GLRA2: variants seen among roughly 807,000 people sequenced by gnomAD.
GLRA2 encodes glycine receptor alpha 2.
In GLRA2, 11 loss-of-function variants were observed where a neutral mutation model predicts 31.6. The observed-to-expected ratio is 0.35, with a 90% confidence interval of 0.22 to 0.58. The LOEUF is 0.58. GLRA2 is among the 20% of genes least tolerant of loss of function. GLRA2 has a pLI of 0.84. For synonymous variants in GLRA2, 132 were observed against 134.0 expected, an observed-to-expected ratio of 0.99 and a Z score of 0.10; for missense variants, 212 against 351.8, an observed-to-expected ratio of 0.60 and a Z score of 3.18.
At chrX:14,638,368 T>G (rs1284421582) in intron 7 of GLRA2, among the ~76,000 whole-genome samples, 5 of 111,718 alleles carry the variant, frequency 4.5e-5, no homozygotes, top group African/African-American at 1.6e-4. Flanking sequence ...ACTAACAGCT[T>G]TCATGATCTT....
chrX:14,541,004 AAG>A (rs1269504917), intron 2 of GLRA2, among the ~76,000 whole-genome samples: 4 of 110,764 alleles, frequency 3.6e-5, no homozygotes, highest in Middle Eastern at 4.6e-3. Flanking sequence ...GAGAAAAAAA[AAG>A]AGAGATCTTC....
chrX:14,598,928 G>A (rs1042458045), intron 4 of GLRA2, among the ~76,000 whole-genome samples: 1 of 112,116 alleles, frequency 8.9e-6, no homozygotes, highest in Non-Finnish European at 1.9e-5. Flanking sequence ...AGTTTACAGT[G>A]TCTGCATCTA....
intron 2 of GLRA2, among the ~76,000 whole-genome samples, chrX:14,554,428 T>C (rs747238952): frequency 9.9e-5 from 11 of 111,434 alleles, no homozygotes; most frequent in African/African-American, 3.6e-4. Flanking sequence ...GTACTATTCG[T>C]TGGCAGACAT....
intron 7 of GLRA2, among the ~76,000 whole-genome samples, chrX:14,640,150 TA>T (rs1240604409): frequency 2.6e-4 from 29 of 111,408 alleles, no homozygotes; most frequent in South Asian, 7.5e-4. Context: ...GATTTGTGTT[TA>T]TTTTTTTTTT....
intron 4 of GLRA2, among the ~76,000 whole-genome samples, chrX:14,598,288 T>C (rs2090230593): frequency 8.9e-6 from 1 of 112,204 alleles, no homozygotes; most frequent in Non-Finnish European, 1.9e-5. Flanking sequence ...GATCACTCAT[T>C]AAAATTTGTA....
At chrX:14,690,679 G>T (rs113248277) in intron 7 of GLRA2, 31 bp from the exon 8 acceptor site, 22 of 722,986 alleles carry the variant, frequency 3.0e-5, no homozygotes, top group Non-Finnish European at 4.5e-5. Context: ...CTCTCTCTCT[G>T]TGTGTGTGTG....
chrX:14,698,468 C>A (rs2091481447), intron 8 of GLRA2, among the ~76,000 whole-genome samples: 1 of 109,141 alleles, frequency 9.2e-6, no homozygotes, highest in South Asian at 4.0e-4. Flanking sequence ...CACCTGAGGG[C>A]AAGAGTTTGA....
chrX:14,514,645 G>A, the GLRA2 span, among the ~76,000 whole-genome samples: 2 of 111,259 alleles, frequency 1.8e-5, no homozygotes, highest in Non-Finnish European at 3.8e-5. Context: ...GGGTTAGGGA[G>A]AAAAGCCAGA....
the GLRA2 span, among the ~76,000 whole-genome samples, chrX:14,487,387 TAAAAAA>T: frequency 1.1e-3 from 30 of 27,946 alleles, no homozygotes; most frequent in Admixed American, 2.4e-3. Context: ...TGGTTTTCTG[TAAAAAA>T]AAAAAAAAAA....
the GLRA2 span, among the ~76,000 whole-genome samples, chrX:14,485,747 C>A: frequency 9.0e-6 from 1 of 111,718 alleles, no homozygotes; most frequent in African/African-American, 3.3e-5. Context: ...TGGATTGTTG[C>A]ATTGGCCTCG....
chrX:14,590,879 T>C (rs769027798), intron 4 of GLRA2, among the ~76,000 whole-genome samples: 184 of 111,959 alleles, frequency 1.6e-3, no homozygotes, highest in African/African-American at 5.6e-3. Flanking sequence ...ACCACAATGA[T>C]TCCATTCTTC....
chrX:14,665,966 T>C (rs1467312544), intron 7 of GLRA2, among the ~76,000 whole-genome samples: 1 of 112,108 alleles, frequency 8.9e-6, no homozygotes, highest in Non-Finnish European at 1.9e-5. Flanking sequence ...TCAAGCTCTC[T>C]GACCTCAGTA....
chrX:14,592,618 G>A (rs1373796458), intron 4 of GLRA2, among the ~76,000 whole-genome samples: 1 of 111,281 alleles, frequency 9.0e-6, no homozygotes, highest in Non-Finnish European at 1.9e-5. Context: ...GCTGTAGTGA[G>A]CCAAGATCAT....
chrX:14,550,785 T>C (rs889536295), intron 2 of GLRA2, among the ~76,000 whole-genome samples: 2 of 112,293 alleles, frequency 1.8e-5, no homozygotes, highest in Non-Finnish European at 3.8e-5. Context: ...TTCAAACATA[T>C]GTCCCAGAAG....
At chrX:14,661,960 ATTT>A (rs1332685688) in intron 7 of GLRA2, among the ~76,000 whole-genome samples, 8 of 109,850 alleles carry the variant, frequency 7.3e-5, no homozygotes, top group Non-Finnish European at 1.3e-4. Flanking sequence ...TTACTAATAA[ATTT>A]TTGAGGTTCA....
chrX:14,467,745 G>A, the GLRA2 span, among the ~76,000 whole-genome samples: 1 of 110,831 alleles, frequency 9.0e-6, no homozygotes, highest in East Asian at 2.8e-4. Context: ...TCCCAGATGA[G>A]TAGTGATTTT....
chrX:14,510,965 A>C, the GLRA2 span, among the ~76,000 whole-genome samples: 1 of 110,348 alleles, frequency 9.1e-6, no homozygotes, highest in African/African-American at 3.3e-5. Flanking sequence ...TTTAGGGTAC[A>C]TGTGCACAAT....
chrX:14,476,263 T>A, the GLRA2 span, among the ~76,000 whole-genome samples: 2 of 112,209 alleles, frequency 1.8e-5, no homozygotes, highest in African/African-American at 6.5e-5. Flanking sequence ...TTTACTCCAT[T>A]TCCTGATTGT....
the GLRA2 span, among the ~76,000 whole-genome samples, chrX:14,451,493 G>A: frequency 3.7e-5 from 4 of 109,003 alleles, no homozygotes; most frequent in Non-Finnish European, 5.7e-5. Context: ...AGCCAAGCAA[G>A]GCAGTGTGCG....
Sources: allele counts gnomAD v4.1 joint callset (sites outside exome capture counted in the v4.1 genomes callset), GRCh38; gene constraint gnomAD v4.1.1; transcripts MANE v1.5; gene names NCBI Gene and HGNC (gene_info 2026-07-23, HGNC 2026-07-21).